Variants in PHF24 observed in about 807,000 individuals in gnomAD.
PHF24 encodes the protein Galpha inhibitory interacting protein.
In PHF24, 25 loss-of-function variants were observed where a neutral mutation model predicts 42.6. The ratio of observed to expected loss-of-function variants is 0.59; its 90% CI spans 0.43 to 0.82. The LOEUF is 0.82. PHF24 is among the 40% of genes least tolerant of loss of function. The pLI, the probability that PHF24 is intolerant of heterozygous loss-of-function variation, is 0.00. For missense variants in PHF24, 470 were observed against 538.1 expected (o/e 0.87, Z 1.25); for synonymous variants, 185 against 204.8 (o/e 0.90, Z 0.83).
chr9:34,848,648 G>A, the PHF24 span, among the ~76,000 whole-genome samples: 2 of 151,382 alleles, frequency 1.3e-5, no homozygotes, highest in African/African-American at 4.9e-5. Flanking sequence ...GCTAGCTTTT[G>A]AATGTGTTTG....
chr9:34,780,784 A>G, the PHF24 span, among the ~76,000 whole-genome samples: 1 of 152,200 alleles, frequency 6.6e-6, no homozygotes, highest in African/African-American at 2.4e-5. Flanking sequence ...CCAACTTTTA[A>G]AATGGGCAAA....
the PHF24 span, among the ~76,000 whole-genome samples, chr9:34,738,758 G>T: frequency 2.6e-5 from 4 of 152,166 alleles, no homozygotes; most frequent in South Asian, 8.3e-4. Flanking sequence ...ATAAGAGACG[G>T]GATATAGGAG....
chr9:34,845,004 A>G, the PHF24 span, among the ~76,000 whole-genome samples: 1 of 152,264 alleles, frequency 6.6e-6, no homozygotes, highest in South Asian at 2.1e-4. Context: ...AGGTGCTCCA[A>G]TATTGGGTGC....
chr9:34,949,118 T>C, the PHF24 span, among the ~76,000 whole-genome samples: 1 of 152,122 alleles, frequency 6.6e-6, no homozygotes, highest in African/African-American at 2.4e-5. Flanking sequence ...AACAAGTATA[T>C]AGAAAATCAG....
At chr9:34,893,239 C>A in the PHF24 span, 1 of 441,416 alleles carries the variant, frequency 2.3e-6, no homozygotes, top group Non-Finnish European at 4.0e-6. Context: ...ATTGTCCTTT[C>A]CCAGTCCTGA....
chr9:34,741,385 G>A, the PHF24 span, among the ~76,000 whole-genome samples: 2 of 148,966 alleles, frequency 1.3e-5, no homozygotes, highest in Non-Finnish European at 3.0e-5. Context: ...TTTTTGAGAC[G>A]GAGCTTCACT....
At chr9:34,893,095 G>A in the PHF24 span, 1 of 916,672 alleles carries the variant, frequency 1.1e-6, no homozygotes, top group Non-Finnish European at 1.6e-6. Flanking sequence ...AGATTTGGCA[G>A]CAGGGGTCTG....
chr9:34,860,878 T>C, the PHF24 span, among the ~76,000 whole-genome samples: 1 of 152,120 alleles, frequency 6.6e-6, no homozygotes, highest in Non-Finnish European at 1.5e-5. Context: ...AACTGGACAA[T>C]AAGCAGCCAT....
chr9:34,918,266 T>C, the PHF24 span: 4 of 1,457,098 alleles, frequency 2.7e-6, no homozygotes, highest in East Asian at 9.1e-5. Context: ...TCAATGAAAC[T>C]GGTGATGAGC....
chr9:34,902,520 G>A, the PHF24 span, among the ~76,000 whole-genome samples: 3 of 152,102 alleles, frequency 2.0e-5, no homozygotes, highest in African/African-American at 7.2e-5. Context: ...GTGGTGGCAT[G>A]CATCTGTAGT....
chr9:34,906,384 T>C, the PHF24 span, among the ~76,000 whole-genome samples: 4 of 152,268 alleles, frequency 2.6e-5, no homozygotes, highest in Admixed American at 1.3e-4. Flanking sequence ...TTACACGTTA[T>C]ACATGGATTG....
At chr9:34,864,620 C>A in the PHF24 span, among the ~76,000 whole-genome samples, 1 of 152,168 alleles carries the variant, frequency 6.6e-6, no homozygotes, top group East Asian at 1.9e-4. Context: ...TCATTAACAC[C>A]AGACCTGTCC....
At chr9:34,885,097 C>G in the PHF24 span, among the ~76,000 whole-genome samples, 1 of 152,194 alleles carries the variant, frequency 6.6e-6, no homozygotes, top group South Asian at 2.1e-4. Flanking sequence ...TGCCCAACTC[C>G]CACTAGGCAG....
At chr9:34,948,757 G>A in the PHF24 span, among the ~76,000 whole-genome samples, 3 of 152,188 alleles carry the variant, frequency 2.0e-5, no homozygotes, top group East Asian at 1.9e-4. Context: ...AGCAACACAC[G>A]ACTGTATTTC....
intron 5 of PHF24, 148 bp downstream of exon 5, chr9:34,976,888 C>A: frequency 1.1e-6 from 1 of 906,212 alleles, no homozygotes. Flanking sequence ...GACAGATGAT[C>A]TGGTGCCCAG....
chr9:34,730,138 T>G, the PHF24 span, among the ~76,000 whole-genome samples: 1 of 152,258 alleles, frequency 6.6e-6, no homozygotes, highest in East Asian at 1.9e-4. Context: ...AGTGGCCGCT[T>G]CTGACTGTGG....
At chr9:34,750,624 A>G in the PHF24 span, among the ~76,000 whole-genome samples, 8 of 152,134 alleles carry the variant, frequency 5.3e-5, no homozygotes, top group Non-Finnish European at 8.8e-5. Flanking sequence ...AATCAGTGTT[A>G]TAATCAGTTT....
chr9:34,793,031 T>TA, the PHF24 span, among the ~76,000 whole-genome samples: 1 of 152,198 alleles, frequency 6.6e-6, no homozygotes, highest in East Asian at 1.9e-4. Context: ...AATGTCCTTA[T>TA]AAAATCATAA....
chr9:34,689,538 G>A, the PHF24 span: 1 of 407,812 alleles, frequency 2.5e-6, no homozygotes, highest in South Asian at 5.8e-5. The surrounding 1 kb of genome is among the most constrained non-coding windows in gnomAD (Gnocchi z 4.1). Context: ...AGTGGAGAAA[G>A]AACAAAGAAA....
Sources: gnomAD v4.1 joint callset for allele counts (sites outside exome capture counted in the v4.1 genomes callset) on GRCh38, gnomAD v4.1.1 for gene constraint, Gnocchi (gnomAD v3.1) non-coding constraint, MANE v1.5 for transcripts, NCBI Gene and HGNC (gene_info 2026-07-23, HGNC 2026-07-21) for gene names.